NDRG1: variants seen among roughly 807,000 people sequenced by gnomAD.
NDRG1 encodes N-myc downstream regulated 1.
Under a neutral mutation model 56.9 loss-of-function variants are expected in NDRG1, and 32 were observed. The observed-to-expected ratio is 0.56, with a 90% CI of 0.42 to 0.76. The LOEUF is 0.76. Among genes scored for constraint, NDRG1 ranks in the 30% least tolerant of loss-of-function variants. The pLI is 0.00. For synonymous variants in NDRG1, 211 were observed against 204.1 expected (o/e 1.03, Z -0.29); for missense variants, 507 against 545.7 (o/e 0.93, Z 0.71).
chr8:133,269,686 C>A (rs2929992), intron 3 of NDRG1, among the ~76,000 whole-genome samples: 1 of 152,068 alleles, frequency 6.6e-6, no homozygotes, highest in African/African-American at 2.4e-5. Flanking sequence ...CATTCTGTGC[C>A]GGGCAGAAGA....
At chr8:133,264,736 T>C in intron 3 of NDRG1, 84 bp from the exon 4 acceptor site, 1 of 1,193,002 alleles carries the variant, frequency 8.4e-7, no homozygotes, top group South Asian at 1.2e-5. Context: ...TGTTTCCAAC[T>C]GTGTTTTGAG....
intron 1 of NDRG1, among the ~76,000 whole-genome samples, chr8:133,289,177 A>G (rs973870217): frequency 5.9e-5 from 9 of 152,128 alleles, no homozygotes; most frequent in Non-Finnish European, 8.8e-5. Context: ...CGGCCTCCTG[A>G]GTAGCTGAGA....
intron 8 of NDRG1, chr8:133,255,163 C>T: frequency 5.1e-6 from 2 of 390,506 alleles, no homozygotes; most frequent in South Asian, 3.8e-5. Context: ...GTGTGCTGAC[C>T]TAAGCATTAG....
chr8:133,244,733 G>C, intron 13 of NDRG1: 2 of 465,658 alleles, frequency 4.3e-6, no homozygotes, highest in Non-Finnish European at 4.0e-6. Flanking sequence ...GACTCGCAAG[G>C]TTCCAGGCCA....
chr8:133,294,511 AT>A (rs967970424), intron 1 of NDRG1, among the ~76,000 whole-genome samples: 4 of 152,140 alleles, frequency 2.6e-5, no homozygotes, highest in Non-Finnish European at 4.4e-5. Context: ...CTGGAATGGG[AT>A]TCTCTGGGGT....
intron 7 of NDRG1, 84 bp downstream of exon 7, chr8:133,258,281 TG>T (rs768012315): frequency 2.9e-6 from 4 of 1,383,124 alleles, no homozygotes; most frequent in Non-Finnish European, 4.0e-6. Context: ...TTTTCCCTTT[TG>T]GGTTTTTGAT....
intron 14 of NDRG1, 100 bp from the exon 15 acceptor site, chr8:133,242,174 T>C (rs554218660): frequency 8.1e-7 from 1 of 1,241,018 alleles, no homozygotes; most frequent in Admixed American, 1.7e-5. Context: ...TTTGAGAGTT[T>C]GGCTCAAGAC....
chr8:133,277,954 C>A (rs1857552027), intron 3 of NDRG1, among the ~76,000 whole-genome samples: 1 of 152,314 alleles, frequency 6.6e-6, no homozygotes, highest in South Asian at 2.1e-4. Context: ...CTTCACTCTT[C>A]CTGGCTCTGG....
intron 1 of NDRG1, chr8:133,296,399 CG>C (rs1858763366): frequency 4.5e-6 from 2 of 442,616 alleles, no homozygotes; most frequent in African/African-American, 4.0e-5. Flanking sequence ...CGGGTTCCTC[CG>C]GGGGCGCACC....
chr8:133,286,693 G>A (rs1858133821), intron 1 of NDRG1, among the ~76,000 whole-genome samples: 1 of 152,074 alleles, frequency 6.6e-6, no homozygotes, highest in South Asian at 2.1e-4. Context: ...ATGATCACGG[G>A]GTATATCTAA....
In NDRG1 at chr8:133,247,857, G is replaced by A. The variant is rs1319960216; in HGVS notation, c.807+18C>T. On this transcript the variant is annotated intron_variant, in intron 12 of 15. Transcript: ENST00000323851. Reference sequence around the variant, plus strand: ...CCTGTTGAATTAAACACAGAAATCAGCTGTGATTTCTACATACCACGGCAT... The same window carrying A: ...CCTGTTGAATTAAACACAGAAATCAACTGTGATTTCTACATACCACGGCAT... The A allele has an allele frequency of 3.1e-6, 5 of 1,613,082 alleles. No individual in the cohort carries two copies. The Admixed American group carries it at 5.0e-5, about 16-fold the overall frequency.
chr8:133,258,679 G>A (rs1856511034), intron 6 of NDRG1, among the ~76,000 whole-genome samples: 2 of 152,230 alleles, frequency 1.3e-5, no homozygotes, highest in South Asian at 2.1e-4. Context: ...TGACATTTAC[G>A]GGAAGGCCCG....
chr8:133,262,157 G>C lies in NDRG1; in HGVS notation c.216C>G (p.Cys72Trp), dbSNP rs1292423819. 1 of 1,614,052 alleles carries C rather than the reference G, an allele frequency of 6.2e-7. No homozygotes were observed. Among genetic ancestry groups the C allele is most frequent in the Admixed American group, 1.7e-5 (1 of 60,028 alleles). ...CCTCGTAGTTGAAGAGGGGGTTGTA[G>C]CAGGTTTTGTCTGAAGAACAGCAGT... ...YHDIGMNHKT[C>W]YNPLFNYEDM... is the part of the protein sequence containing the mutation. Residue 72 changes from cysteine (C) to tryptophan (W), a missense_variant, in exon 5 of 16, where the codon TGC becomes TGG. Transcript: ENST00000323851.
chr8:133,264,803 G>A, intron 3 of NDRG1, 151 bp from the exon 4 acceptor site: 1 of 706,376 alleles, frequency 1.4e-6, no homozygotes, highest in Non-Finnish European at 2.5e-6. Context: ...AGCTCTCTCT[G>A]GCCAGAAGCC....
chr8:133,248,850 G>C (rs1008796856), intron 10 of NDRG1, 79 bp from the exon 11 acceptor site: 11 of 1,555,344 alleles, frequency 7.1e-6, no homozygotes, highest in African/African-American at 1.4e-5. Flanking sequence ...CCAAGCCCAG[G>C]AGGTCCTGCC....
intron 3 of NDRG1, among the ~76,000 whole-genome samples, chr8:133,272,189 A>C (rs565237953): frequency 1.5e-4 from 23 of 152,334 alleles, no homozygotes; most frequent in Non-Finnish European, 1.3e-4. Context: ...AACAGGCTGC[A>C]GTGGGCAGAA....
intron 7 of NDRG1, among the ~76,000 whole-genome samples, chr8:133,257,286 C>T (rs1252702176): frequency 2.1e-5 from 2 of 93,998 alleles, no homozygotes; most frequent in African/African-American, 1.0e-4. Flanking sequence ...CATGCATACA[C>T]ACACACACAC....
chr8:133,250,636 A>T, intron 9 of NDRG1, 93 bp from the exon 10 acceptor site: 2 of 1,093,500 alleles, frequency 1.8e-6, no homozygotes, highest in Non-Finnish European at 2.8e-6. Flanking sequence ...TTGGAGACAA[A>T]GTAAAGATAA....
intron 14 of NDRG1, among the ~76,000 whole-genome samples, chr8:133,242,504 A>T (rs1469855425): frequency 6.6e-6 from 1 of 152,214 alleles, no homozygotes; most frequent in African/African-American, 2.4e-5. Flanking sequence ...TACCTTAGAT[A>T]CATTTCATAG....
Sources: gnomAD v4.1 joint callset for allele counts (sites outside exome capture counted in the v4.1 genomes callset) on GRCh38, gnomAD v4.1.1 for gene constraint, MANE v1.5 for transcripts, NCBI Gene and HGNC (gene_info 2026-07-23, HGNC 2026-07-21) for gene names.